FRMD4B: variants seen among roughly 807,000 people sequenced by gnomAD.
FRMD4B encodes the protein FERM domain containing 4B, also known as FERM domain-containing protein 4B.
In FRMD4B, 74 loss-of-function variants were observed where a neutral mutation model predicts 141.5. The observed-to-expected ratio is 0.52, with a 90% CI of 0.43 to 0.63. The LOEUF is 0.63. Ranked by LOEUF, FRMD4B falls within the 30% of genes least tolerant of loss-of-function variation. The pLI, the probability that FRMD4B is intolerant of heterozygous loss-of-function variation, is 0.00. For synonymous variants in FRMD4B, 506 were observed against 467.9 expected (o/e 1.08, Z -1.05); for missense variants, 1,366 against 1,253.4 (o/e 1.09, Z -1.36).
chr3:69,476,868 C>A lies in FRMD4B; in HGVS notation c.-128-44107G>T, dbSNP rs536904852. The stretch of plus-strand genomic sequence containing the variant: ...ATGTTCTTCCATTTCTTTGTATCCT[C>A]TTTTATTTCACTGAGCAGTGGTTTG... On this transcript the variant is annotated intron_variant, in intron 1 of 5. Coordinates refer to the FRMD4B transcript ENST00000459638. Among the ~76,000 whole-genome samples, 4 of 152,264 alleles carry A rather than the reference C, an allele frequency of 2.6e-5. No individual in the cohort carries two copies. In the South Asian group the frequency reaches 8.3e-4, roughly 32 times the overall value.
intron 5 of FRMD4B, among the ~76,000 whole-genome samples, chr3:69,260,366 G>A (rs868716981): frequency 9.2e-5 from 14 of 152,200 alleles, no homozygotes; most frequent in African/African-American, 2.9e-4. Context: ...CTCTGCACCC[G>A]GAGCGGCTGG....
intron 1 of FRMD4B, among the ~76,000 whole-genome samples, chr3:69,332,042 A>C (rs1702385454): frequency 6.6e-6 from 1 of 152,148 alleles, no homozygotes; most frequent in Admixed American, 6.5e-5. Context: ...AGCTGAGATC[A>C]CGCCACTGCA....
intron 1 of FRMD4B, among the ~76,000 whole-genome samples, chr3:69,513,741 GA>G (rs932705239): frequency 4.6e-5 from 7 of 151,564 alleles, no homozygotes; most frequent in Non-Finnish European, 8.8e-5. Flanking sequence ...AGTTCAACAT[GA>G]AAAAAACAAC....
chr3:69,336,901 G>A (rs1182061770), intron 1 of FRMD4B, among the ~76,000 whole-genome samples: 1 of 152,170 alleles, frequency 6.6e-6, no homozygotes, highest in African/African-American at 2.4e-5. Context: ...CCAAGATCAT[G>A]CCACTACACT....
intron 21 of FRMD4B, among the ~76,000 whole-genome samples, chr3:69,178,255 C>T (rs1425209097): frequency 1.3e-5 from 2 of 152,164 alleles, no homozygotes; most frequent in South Asian, 2.1e-4. Context: ...ATGGGACAAA[C>T]GCATTTCAAA....
chr3:69,492,649 A>G (rs1319357326), intron 1 of FRMD4B, among the ~76,000 whole-genome samples: 2 of 152,134 alleles, frequency 1.3e-5, no homozygotes, highest in African/African-American at 4.8e-5. Context: ...GGAACCACTT[A>G]TCCCTAATTT....
At chr3:69,275,720 C>A (rs969244325) in intron 5 of FRMD4B, among the ~76,000 whole-genome samples, 1 of 152,026 alleles carries the variant, frequency 6.6e-6, no homozygotes, top group Non-Finnish European at 1.5e-5. Flanking sequence ...TGTCATCTAC[C>A]ATGCCCAGCC....
intron 1 of FRMD4B, among the ~76,000 whole-genome samples, chr3:69,521,621 A>C (rs1700857126): frequency 6.6e-6 from 1 of 152,202 alleles, no homozygotes; most frequent in African/African-American, 2.4e-5. Flanking sequence ...ACCATGGCCT[A>C]CAAGGCCATC....
chr3:69,183,607 G>C (rs551546961), intron 19 of FRMD4B, among the ~76,000 whole-genome samples: 4 of 146,352 alleles, frequency 2.7e-5, no homozygotes, highest in East Asian at 2.1e-4. Flanking sequence ...CTCAGCCTCC[G>C]GAGTAGCTGG....
intron 1 of FRMD4B, among the ~76,000 whole-genome samples, chr3:69,337,335 C>T (rs895529095): frequency 6.6e-6 from 1 of 152,158 alleles, no homozygotes; most frequent in South Asian, 2.1e-4. Flanking sequence ...AAATGTTAGA[C>T]CTAAAACCAT....
At chr3:69,406,280 C>T (rs1704648495) in intron 2 of FRMD4B, among the ~76,000 whole-genome samples, 1 of 152,208 alleles carries the variant, frequency 6.6e-6, no homozygotes, top group South Asian at 2.1e-4. Flanking sequence ...TGAACAATGG[C>T]TCTTGGAAAA....
chr3:69,350,114 A>G (rs1171340059), intron 1 of FRMD4B, among the ~76,000 whole-genome samples: 1 of 152,176 alleles, frequency 6.6e-6, no homozygotes, highest in Non-Finnish European at 1.5e-5. Context: ...AATGAACTCC[A>G]ACAAATTTAC....
chr3:69,227,097 A>C (rs1483526188), intron 7 of FRMD4B, among the ~76,000 whole-genome samples: 1 of 152,226 alleles, frequency 6.6e-6, no homozygotes, highest in African/African-American at 2.4e-5. Context: ...AGTCTTCAGC[A>C]TATCATTTTC....
intron 10 of FRMD4B, among the ~76,000 whole-genome samples, chr3:69,216,909 TA>T (rs1334379303): frequency 6.6e-6 from 1 of 152,102 alleles, no homozygotes; most frequent in East Asian, 1.9e-4. Context: ...CTGTTTTGAT[TA>T]AACAGTTGGA....
At chr3:69,390,965 A>C (rs1239717702), upstream of FRMD4B, among the ~76,000 whole-genome samples, 1 of 152,192 alleles carries the variant, frequency 6.6e-6, no homozygotes, top group Non-Finnish European at 1.5e-5. Flanking sequence ...GTTGTGGAGA[A>C]ACAGTCTTCC....
At chr3:69,526,618 G>A (rs540089118) in intron 1 of FRMD4B, among the ~76,000 whole-genome samples, 7 of 152,126 alleles carry the variant, frequency 4.6e-5, no homozygotes, top group African/African-American at 9.6e-5. Context: ...GTTAGGCTCC[G>A]GTGCCTCCAT....
intron 1 of FRMD4B, among the ~76,000 whole-genome samples, chr3:69,534,045 T>C (rs1701044520): frequency 2.0e-5 from 3 of 152,178 alleles, no homozygotes; most frequent in Non-Finnish European, 4.4e-5. Flanking sequence ...CTGGAGCTTG[T>C]TAGAAATGCA....
intron 3 of FRMD4B, 84 bp from the exon 4 acceptor site, chr3:69,302,519 AATAGTTGCTCTCAT>A (rs1403894444): frequency 2.4e-6 from 2 of 818,206 alleles, no homozygotes; most frequent in African/African-American, 3.4e-5. Flanking sequence ...GCTGTGGCGA[AATAGTTGCTCTCAT>A]ACACCGATGG....
intron 7 of FRMD4B, among the ~76,000 whole-genome samples, chr3:69,226,232 A>C (rs900358625): frequency 1.3e-5 from 2 of 152,158 alleles, no homozygotes; most frequent in African/African-American, 4.8e-5. Context: ...ATAAGAATAA[A>C]TCTCTCTATT....
Sources: allele counts gnomAD v4.1 joint callset (sites outside exome capture counted in the v4.1 genomes callset), GRCh38; gene constraint gnomAD v4.1.1; transcripts MANE v1.5; gene names NCBI Gene and HGNC (gene_info 2026-07-23, HGNC 2026-07-21).